Variants in FBXO42 observed in about 807,000 individuals in gnomAD.
FBXO42 encodes the protein F-box protein 42.
In FBXO42, 12 loss-of-function variants were observed where a neutral mutation model predicts 71.7. The observed-to-expected ratio is 0.17, with a 90% CI of 0.11 to 0.27. The LOEUF (loss-of-function observed/expected upper bound fraction) is 0.27. Among genes scored for constraint, FBXO42 ranks in the 10% least tolerant of loss-of-function variants. The pLI is 1.00. For synonymous variants in FBXO42, 325 were observed against 327.5 expected, an observed-to-expected ratio of 0.99 and a Z score of 0.08; for missense variants, 707 against 911.9, an observed-to-expected ratio of 0.78 and a Z score of 2.89.
chr1:16,347,744 CTT>C (rs2082664145), intron 1 of FBXO42, among the ~76,000 whole-genome samples: 1 of 152,082 alleles, frequency 6.6e-6, no homozygotes, highest in Non-Finnish European at 1.5e-5. Context: ...AATCCCCACA[CTT>C]TGGGAGGCCG....
In FBXO42 at chr1:16,256,599, G is replaced by T; in HGVS notation, c.656+7C>A. 1 of 1,612,974 alleles carries T rather than the reference G, an allele frequency of 6.2e-7. No individual in the cohort carries two copies. The highest frequency in any genetic ancestry group is 8.5e-7 in the Non-Finnish European group (1 of 1,179,226). The stretch of plus-strand genomic sequence containing the variant: ...CCAGATTTAAAGAGTTTATCTTTGT[G>T]ACTTACCAATTTTTAGAGGGTGAGT... On this transcript the variant is annotated splice_region_variant and intron_variant, in intron 5 of 9. Coordinates refer to ENST00000375592, the MANE Select transcript of FBXO42 (RefSeq NM_018994.3).
At chr1:16,259,494 TG>T (rs1332033335) in intron 4 of FBXO42, among the ~76,000 whole-genome samples, 1 of 152,202 alleles carries the variant, frequency 6.6e-6, no homozygotes, top group African/African-American at 2.4e-5. Flanking sequence ...CCAGGCGCAG[TG>T]GCTCACACCT....
intron 2 of FBXO42, among the ~76,000 whole-genome samples, chr1:16,311,105 G>A: frequency 1.3e-5 from 1 of 74,986 alleles, no homozygotes; most frequent in East Asian, 2.7e-4. Flanking sequence ...ATGAACCCAG[G>A]AGGCGGAGCT....
At position 16,285,876 on chromosome 1, in the gene FBXO42, T is replaced by C. The variant is rs185248913; in HGVS notation, c.502+8907A>G. ...TACACCATTCTCTTTTTTGTTTTTG[T>C]TGTTCTTTTTGAGATAGGACTTGCT... On this transcript the variant is annotated intron_variant, in intron 4 of 9. Transcript: ENST00000375592. 3.3e-5 allele frequency among the ~76,000 whole-genome samples: 5 copies of C among 152,214 alleles called. No individual in the cohort carries two copies. The East Asian group carries it at 9.6e-4, about 29-fold the overall frequency.
intron 2 of FBXO42, among the ~76,000 whole-genome samples, chr1:16,311,962 C>T (rs1230601684): frequency 1.3e-5 from 2 of 152,040 alleles, no homozygotes; most frequent in Non-Finnish European, 2.9e-5. Context: ...TTGGAAGCAA[C>T]TAAGATGCCC....
chr1:16,253,031 CAG>C, intron 8 of FBXO42, 63 bp downstream of exon 8: 2 of 1,396,322 alleles, frequency 1.4e-6, no homozygotes, highest in African/African-American at 1.4e-5. Context: ...GAAAAGAAGA[CAG>C]GGGAAACAGG....
intron 4 of FBXO42, among the ~76,000 whole-genome samples, chr1:16,263,807 C>CT (rs1193282987): frequency 0.17 from 21,704 of 126,552 alleles, 2,433 homozygotes; most frequent in Non-Finnish European, 0.22. Context: ...CATACATTAA[C>CT]TTTTTTTTTT....
At chr1:16,280,957 G>GTTTGTT (rs901401243) in intron 4 of FBXO42, among the ~76,000 whole-genome samples, 5 of 151,992 alleles carry the variant, frequency 3.3e-5, no homozygotes, top group African/African-American at 4.8e-5. Flanking sequence ...TTGTGTGTGT[G>GTTTGTT]TTTGTTTTTG....
intron 3 of FBXO42, 104 bp from the exon 4 acceptor site, chr1:16,295,021 T>C: frequency 7.4e-7 from 1 of 1,357,336 alleles, no homozygotes. Context: ...CATTCAGCAA[T>C]TTTGTTACCA....
intron 1 of FBXO42, among the ~76,000 whole-genome samples, chr1:16,340,937 T>A (rs1266178862): frequency 6.6e-6 from 1 of 152,150 alleles, no homozygotes; most frequent in East Asian, 1.9e-4. Flanking sequence ...CTTCTTCTAT[T>A]GTACCATACC....
intron 3 of FBXO42, among the ~76,000 whole-genome samples, chr1:16,299,530 C>A (rs1002835834): frequency 6.6e-6 from 1 of 152,050 alleles, no homozygotes; most frequent in Non-Finnish European, 1.5e-5. Context: ...TTTTCAGTGA[C>A]CAGCAGTCAA....
In FBXO42 at chr1:16,250,728, T is replaced by C. The variant is rs1157434081; in HGVS notation, c.2096A>G (p.Gln699Arg). The C allele has an allele frequency of 6.2e-7, 1 of 1,614,196 alleles. No homozygotes were observed. Residue 699 changes from glutamine to arginine, a missense_variant, in exon 10 of 10, where the codon CAG (glutamine) becomes CGG (arginine). By Grantham distance (43) the Gln-to-Arg change is conservative (BLOSUM62 1). Transcript: ENST00000375592. This position sits in a 1 kb window ranked among gnomAD's most constrained non-coding sequence, Gnocchi z 4.7. ...TGTTTTTGGATAGTACTTCACATTC[T>C]GTTTCTTGTCCATGAGTCCTCCAAA... is the stretch of plus-strand genomic sequence containing the variant. ...IIFGGLMDKK[Q>R]NVKYYPKTNA...
intron 1 of FBXO42, among the ~76,000 whole-genome samples, chr1:16,345,391 C>A (rs548308310): frequency 1.3e-5 from 2 of 151,860 alleles, no homozygotes; most frequent in South Asian, 2.1e-4. Context: ...CCACTGAACT[C>A]CAGCCTGGGT....
intron 2 of FBXO42, among the ~76,000 whole-genome samples, chr1:16,314,415 T>C (rs1415075827): frequency 6.6e-6 from 1 of 152,202 alleles, no homozygotes; most frequent in Non-Finnish European, 1.5e-5. Flanking sequence ...CGCCTGAACG[T>C]GAATCTTTAA....
At chr1:16,305,620 G>A (rs2082241950) in intron 3 of FBXO42, among the ~76,000 whole-genome samples, 183 bp downstream of exon 3, 1 of 152,168 alleles carries the variant, frequency 6.6e-6, no homozygotes, top group South Asian at 2.1e-4. Flanking sequence ...GGCTGAGGTG[G>A]GAGGATCACC....
chr1:16,267,565 A>C (rs1221347948), intron 4 of FBXO42, among the ~76,000 whole-genome samples: 2 of 152,186 alleles, frequency 1.3e-5, no homozygotes, highest in African/African-American at 4.8e-5. Context: ...AGCTACTTAT[A>C]ACATACCCTA....
At chr1:16,313,345 AAAGAAAG>A (rs1347356575) in intron 2 of FBXO42, among the ~76,000 whole-genome samples, 1 of 151,198 alleles carries the variant, frequency 6.6e-6, no homozygotes, top group African/African-American at 2.4e-5. Context: ...AGAAAGAAAG[AAAGAAAG>A]AAAGAAAGAA....
chr1:16,308,703 G>T (rs1010004350), intron 2 of FBXO42, among the ~76,000 whole-genome samples: 3 of 150,510 alleles, frequency 2.0e-5, no homozygotes, highest in Non-Finnish European at 4.4e-5. Flanking sequence ...TAGAGATGGA[G>T]GTTGACCATG....
At chr1:16,301,892 A>G (rs992716353) in intron 3 of FBXO42, among the ~76,000 whole-genome samples, 1 of 152,060 alleles carries the variant, frequency 6.6e-6, no homozygotes, top group Non-Finnish European at 1.5e-5. Context: ...CTCGACTTTA[A>G]AACATATTTT....
Sources: gnomAD v4.1 joint callset for allele counts (sites outside exome capture counted in the v4.1 genomes callset) on GRCh38, gnomAD v4.1.1 for gene constraint, Gnocchi (gnomAD v3.1) non-coding constraint, MANE v1.5 for transcripts, NCBI Gene and HGNC (gene_info 2026-07-23, HGNC 2026-07-21) for gene names.